The following KHDC1 variants were observed in gnomAD, a reference collection of about 807,000 sequenced individuals.
The protein encoded by KHDC1 is KH homology domain-containing protein 1.
Under a neutral mutation model 24.7 loss-of-function variants are expected in KHDC1, and 21 were observed. The observed-to-expected ratio is 0.85, with a 90% CI of 0.60 to 1.23. The LOEUF (loss-of-function observed/expected upper bound fraction) is 1.23. Ranked by LOEUF, KHDC1 falls within the 50% of genes most tolerant of loss-of-function variation. KHDC1 has a pLI of 0.00. For missense variants in KHDC1, 274 were observed against 298.5 expected (o/e 0.92, Z 0.61); for synonymous variants, 98 against 111.7 (o/e 0.88, Z 0.77).
At chr6:73,249,811 G>A (rs9446876) in intron 2 of KHDC1, among the ~76,000 whole-genome samples, 37,545 of 151,886 alleles carry the variant, frequency 0.25, 6,422 homozygotes, top group African/African-American at 0.5. Flanking sequence ...GAGTAGTGTC[G>A]TGATCATAGC....
At chr6:73,276,152 C>T (rs1430662974) in intron 2 of KHDC1, 4 of 151,714 alleles carry the variant, frequency 2.6e-5, no homozygotes, top group Non-Finnish European at 5.9e-5. Context: ...GATCGTGCCA[C>T]TGCTCTCCAG....
chr6:73,297,450 T>C (rs1294078450), intron 1 of KHDC1, among the ~76,000 whole-genome samples: 1 of 152,190 alleles, frequency 6.6e-6, no homozygotes, highest in Non-Finnish European at 1.5e-5. Context: ...CCTTTGTCAG[T>C]AATGCTGTTG....
chr6:73,270,315 A>G (rs1767156932), intron 2 of KHDC1: 1 of 152,198 alleles, frequency 6.6e-6, no homozygotes. Context: ...GTACGCAGAT[A>G]GGACTAAGCC....
intron 1 of KHDC1, among the ~76,000 whole-genome samples, chr6:73,303,996 T>C (rs1442357525): frequency 6.6e-6 from 1 of 152,084 alleles, no homozygotes; most frequent in East Asian, 1.9e-4. Flanking sequence ...CTGGCCAACG[T>C]GGGGAAACCC....
rs1221023376 is a variant in KHDC1, at chr6:73,253,426, G to A, written c.207-10896C>T. 3.3e-5 allele frequency among the ~76,000 whole-genome samples: 5 copies of A among 151,950 alleles called. No homozygotes were observed. In the South Asian group the frequency reaches 6.2e-4, roughly 19 times the overall value. On this transcript the variant is annotated intron_variant, in intron 2 of 4. Transcript: ENST00000370384. Reference sequence around the variant, plus strand: ...AAATTAGCCAGGTGTGGTGGCAGGCGCCTGTAGTACCAGCTACTCGGGAGG... The same window carrying A: ...AAATTAGCCAGGTGTGGTGGCAGGCACCTGTAGTACCAGCTACTCGGGAGG...
chr6:73,261,491 C>T (rs954084219), intron 2 of KHDC1, among the ~76,000 whole-genome samples: 8 of 151,878 alleles, frequency 5.3e-5, no homozygotes, highest in African/African-American at 1.9e-4. Context: ...ACTCTAGGAC[C>T]AGGCACAGTG....
chr6:73,254,917 G>C (rs1237970741), intron 2 of KHDC1, among the ~76,000 whole-genome samples: 3 of 151,970 alleles, frequency 2.0e-5, no homozygotes, highest in Non-Finnish European at 4.4e-5. Flanking sequence ...CAGGAGAATG[G>C]CGTGGCCCCG....
rs560041454 is a variant in KHDC1, at chr6:73,252,058, T to C, written c.207-9528A>G. Among the ~76,000 whole-genome samples, 5 of 151,202 alleles carry C rather than the reference T, an allele frequency of 3.3e-5. No homozygotes were observed. In the South Asian group the frequency reaches 8.4e-4, roughly 25 times the overall value. ...ATCATATCTTTTTTTTTTTTTTTTT[T>C]CTGAAACACGGTCTCACCCTGTCAC... On this transcript the variant is annotated intron_variant, in intron 2 of 4. Coordinates refer to ENST00000370384, the Ensembl canonical transcript of KHDC1.
intron 2 of KHDC1, chr6:73,291,352 G>A (rs564079422): frequency 9.8e-6 from 2 of 204,482 alleles, no homozygotes; most frequent in South Asian, 1.7e-4. Context: ...ACGAACAGCT[G>A]AAGTGGCAAT....
chr6:73,298,423 ATTTTTTTTTTTTTT>A (rs370446904), intron 1 of KHDC1, among the ~76,000 whole-genome samples: 1 of 59,956 alleles, frequency 1.7e-5, no homozygotes, highest in Non-Finnish European at 2.8e-5. Flanking sequence ...TACTTTGCAA[ATTTTTTTTTTTTTT>A]TTTTTTTTTT....
At chr6:73,294,701 G>T (rs1767727790) in intron 1 of KHDC1, among the ~76,000 whole-genome samples, 2 of 152,068 alleles carry the variant, frequency 1.3e-5, no homozygotes. Flanking sequence ...GATATAGTTT[G>T]GATATGTGTA....
intron 1 of KHDC1, among the ~76,000 whole-genome samples, chr6:73,298,517 C>A (rs1016307634): frequency 6.8e-6 from 1 of 147,214 alleles, no homozygotes; most frequent in Admixed American, 6.8e-5. Flanking sequence ...CTCACAGCAA[C>A]CTCCGCCTCC....
intron 2 of KHDC1, chr6:73,275,245 G>A (rs1242821115): frequency 6.6e-6 from 1 of 152,520 alleles, no homozygotes; most frequent in Non-Finnish European, 1.5e-5. Context: ...AGCTACTCGG[G>A]AGGCTGAGGC....
chr6:73,241,961 A>C, intron 4 of KHDC1, 94 bp downstream of exon 3: 3 of 1,371,304 alleles, frequency 2.2e-6, no homozygotes, highest in Non-Finnish European at 3.0e-6. Flanking sequence ...TTCCCCAGCC[A>C]CACAAGGGAT....
chr6:73,281,774 T>C (rs1767418139), intron 2 of KHDC1, among the ~76,000 whole-genome samples: 1 of 152,176 alleles, frequency 6.6e-6, no homozygotes, highest in Non-Finnish European at 1.5e-5. Context: ...CCTAAGGTCC[T>C]TTTTCTGCCC....
chr6:73,297,513 G>T (rs556070351), intron 1 of KHDC1, among the ~76,000 whole-genome samples: 61 of 152,078 alleles, frequency 4.0e-4, no homozygotes, highest in Admixed American at 8.5e-4. Context: ...ATAAATACAG[G>T]ATGAAATTCC....
intron 1 of KHDC1, chr6:73,292,579 G>T: frequency 1.3e-6 from 1 of 765,284 alleles, no homozygotes; most frequent in South Asian, 1.3e-5. Flanking sequence ...CTCCACTCCA[G>T]TCTCTTCAGC....
intron 1 of KHDC1, chr6:73,293,332 A>G (rs1256327727): frequency 3.8e-6 from 2 of 520,860 alleles, no homozygotes; most frequent in African/African-American, 3.9e-5. Flanking sequence ...GAAATAATAA[A>G]ACTATTATAT....
rs1442168700 is a variant in KHDC1, at chr6:73,303,256, TGGGGGTG to T, written c.163+6289_163+6295del. Among the ~76,000 whole-genome samples, 6 of 150,410 alleles carry T rather than the reference TGGGGGTG, an allele frequency of 4.0e-5. No homozygotes were observed. The East Asian group carries it at 1.2e-3, about 29-fold the overall frequency. ...AATAAAATGGTGGTTACAAGAGATTTGGGGGTGGGGGGATTCAGGAGCCATTGGTGAA... is the reference window on the plus strand; with the variant it reads ...AATAAAATGGTGGTTACAAGAGATTTGGGGGATTCAGGAGCCATTGGTGAA... On this transcript the variant is annotated intron_variant, in intron 1 of 4. Transcript: ENST00000370384.
Sources: allele counts gnomAD v4.1 joint callset (sites outside exome capture counted in the v4.1 genomes callset), GRCh38; gene constraint gnomAD v4.1.1; transcripts MANE v1.5; gene names NCBI Gene and HGNC (gene_info 2026-07-23, HGNC 2026-07-21).